The following GRIK1 variants were observed in gnomAD, a reference collection of about 807,000 sequenced individuals.
The protein encoded by GRIK1 is glutamate ionotropic receptor kainate type subunit 1.
In GRIK1, 69 loss-of-function variants were observed where a neutral mutation model predicts 105.7. The ratio of observed to expected loss-of-function variants is 0.65; its 90% CI spans 0.54 to 0.80. The LOEUF is 0.80. Ranked by LOEUF, GRIK1 falls within the 30% of genes least tolerant of loss-of-function variation. GRIK1 has a pLI of 0.00. For missense variants in GRIK1, 1,109 were observed against 1,167.3 expected (o/e 0.95, Z 0.73); for synonymous variants, 438 against 431.3 (o/e 1.02, Z -0.19).
intron 1 of GRIK1, among the ~76,000 whole-genome samples, chr21:29,777,801 G>A (rs534392156): frequency 3.9e-5 from 6 of 152,006 alleles, no homozygotes; most frequent in Admixed American, 2.0e-4. Context: ...GTGACAGAAC[G>A]AACAGAAAGA....
At chr21:29,904,518 A>G (rs2070533503) in intron 1 of GRIK1, among the ~76,000 whole-genome samples, 1 of 152,188 alleles carries the variant, frequency 6.6e-6, no homozygotes, top group Non-Finnish European at 1.5e-5. Flanking sequence ...GAGCAAATGG[A>G]TAGACTGATC....
chr21:29,930,125 G>A (rs990514420), intron 1 of GRIK1, among the ~76,000 whole-genome samples: 1 of 152,148 alleles, frequency 6.6e-6, no homozygotes, highest in African/African-American at 2.4e-5. Context: ...CAACTCAGTG[G>A]ACATGCATGG....
chr21:29,576,879 C>CT, intron 14 of GRIK1, 85 bp downstream of exon 14: 3 of 755,426 alleles, frequency 4.0e-6, no homozygotes, highest in Non-Finnish European at 4.2e-6. Flanking sequence ...TTTCTTTTTT[C>CT]TTTTTCTTTT....
chr21:29,569,988 A>G (rs968855240), intron 14 of GRIK1, among the ~76,000 whole-genome samples: 5 of 152,192 alleles, frequency 3.3e-5, no homozygotes, highest in Admixed American at 1.3e-4. Flanking sequence ...AGTTGTGTCC[A>G]TAGAGCTTGG....
At chr21:29,734,992 C>T (rs1001780308) in intron 1 of GRIK1, among the ~76,000 whole-genome samples, 1 of 152,130 alleles carries the variant, frequency 6.6e-6, no homozygotes, top group African/African-American at 2.4e-5. Context: ...CTCAAAGAGA[C>T]CTCCCTGCCT....
At chr21:29,746,488 T>C (rs1226631059) in intron 1 of GRIK1, among the ~76,000 whole-genome samples, 2 of 152,254 alleles carry the variant, frequency 1.3e-5, no homozygotes, top group Non-Finnish European at 2.9e-5. Flanking sequence ...TTCAGTGGTC[T>C]CCCTGTTTCT....
At chr21:29,689,592 C>G in intron 3 of GRIK1, 136 bp downstream of exon 3, 1 of 738,914 alleles carries the variant, frequency 1.4e-6, no homozygotes, top group Non-Finnish European at 2.4e-6. Flanking sequence ...TATTAAATTA[C>G]TTCAGAATAT....
At chr21:29,596,971 AACACACACACACACAG>A (rs1387100941) in intron 8 of GRIK1, among the ~76,000 whole-genome samples, 1 of 151,002 alleles carries the variant, frequency 6.6e-6, no homozygotes, top group East Asian at 1.9e-4. Flanking sequence ...CACACACACA[AACACACACACACACAG>A]ACACACACAT....
At chr21:29,695,476 C>CTATCTATCTATCTATA (rs201600727) in intron 1 of GRIK1, among the ~76,000 whole-genome samples, 2 of 140,026 alleles carry the variant, frequency 1.4e-5, no homozygotes, top group South Asian at 2.4e-4. Flanking sequence ...ATCTATCTAT[C>CTATCTATCTATCTATA]TATATATATA....
chr21:29,541,619 G>A (rs1468673833), intron 16 of GRIK1, among the ~76,000 whole-genome samples: 2 of 129,766 alleles, frequency 1.5e-5, no homozygotes, highest in East Asian at 5.2e-4. Flanking sequence ...CAATGAAAAG[G>A]TTGATGGTTC....
intron 3 of GRIK1, among the ~76,000 whole-genome samples, chr21:29,675,715 G>A (rs2146655960): frequency 6.6e-6 from 1 of 152,224 alleles, no homozygotes; most frequent in African/African-American, 2.4e-5. Flanking sequence ...ACTCTCTTGA[G>A]GTAGATGAGG....
intron 1 of GRIK1, among the ~76,000 whole-genome samples, chr21:29,776,690 G>A (rs2065952516): frequency 6.6e-6 from 1 of 152,198 alleles, no homozygotes; most frequent in African/African-American, 2.4e-5. Context: ...AAGTTTAGAA[G>A]GGGTTGTTAG....
Position 29,693,973 on chromosome 21 carries a change from G to A in GRIK1, c.209C>T (p.Thr70Ile), listed in dbSNP as rs1352947238. 1 of 1,611,896 alleles carries A rather than the reference G, an allele frequency of 6.2e-7. No homozygotes were observed. The highest frequency in any genetic ancestry group is 8.5e-7 in the Non-Finnish European group (1 of 1,177,954). Residue 70 changes from threonine (T) to isoleucine (I), a missense_variant, in exon 2 of 18, where the codon ACC becomes ATC. Thr to Ile is a moderately conservative substitution (Grantham distance 89). This residue lies in a region of GRIK1 where 612 missense variants were observed against 586.0 expected (regional missense o/e 1.04). Transcript: ENST00000327783. ...GGTTAATGTGGTGTTAGGCATCAGG[G>A]TTCGGTTTCTGTTAATGCTGGTGAC... ...FAVTSINRNR[T>I]LMPNTTLTYD...
At chr21:29,763,328 C>T (rs2065575973) in intron 1 of GRIK1, among the ~76,000 whole-genome samples, 1 of 152,094 alleles carries the variant, frequency 6.6e-6, no homozygotes, top group Admixed American at 6.6e-5. Flanking sequence ...TGAGGCTTCC[C>T]CAGCCATATG....
intron 1 of GRIK1, among the ~76,000 whole-genome samples, chr21:29,863,654 C>T (rs544495515): frequency 6.6e-6 from 1 of 152,208 alleles, no homozygotes; most frequent in African/African-American, 2.4e-5. Context: ...TCCTGTCATT[C>T]TTCCAATGTT....
intron 1 of GRIK1, among the ~76,000 whole-genome samples, chr21:29,911,093 A>G (rs1052608316): frequency 2.0e-5 from 3 of 152,096 alleles, no homozygotes; most frequent in African/African-American, 4.8e-5. Flanking sequence ...GACATATACT[A>G]ACTCAGTGAA....
intron 4 of GRIK1, among the ~76,000 whole-genome samples, chr21:29,672,285 A>G (rs548594805): frequency 3.3e-5 from 5 of 151,938 alleles, no homozygotes; most frequent in Non-Finnish European, 7.4e-5. Context: ...TCAAACTCCT[A>G]ACCTCAGGTG....
intron 15 of GRIK1, among the ~76,000 whole-genome samples, chr21:29,559,095 A>G (rs968171495): frequency 3.9e-5 from 6 of 152,148 alleles, no homozygotes; most frequent in Non-Finnish European, 8.8e-5. Flanking sequence ...TGATAAAAGC[A>G]CAGTTTTTGA....
At chr21:29,772,471 AC>A (rs1237523641) in intron 1 of GRIK1, among the ~76,000 whole-genome samples, 1 of 152,192 alleles carries the variant, frequency 6.6e-6, no homozygotes, top group African/African-American at 2.4e-5. Flanking sequence ...TTTCAACAGA[AC>A]CAAAAATCAA....
Sources: allele counts gnomAD v4.1 joint callset (sites outside exome capture counted in the v4.1 genomes callset), GRCh38; gene constraint gnomAD v4.1.1; regional missense constraint gnomAD v4.1.1; transcripts MANE v1.5; gene names NCBI Gene and HGNC (gene_info 2026-07-23, HGNC 2026-07-21).